Variants in CDH13 observed in about 807,000 individuals in gnomAD.
CDH13 encodes cadherin-13.
Under a neutral mutation model 63.8 loss-of-function variants are expected in CDH13, and 24 were observed. That is an observed-to-expected ratio of 0.38 (90% CI 0.27 to 0.53). The LOEUF is 0.53. Ranked by LOEUF, CDH13 falls within the 20% of genes least tolerant of loss-of-function variation. The probability of loss-of-function intolerance (pLI) is 0.85; values close to 1 mark genes in which losing one functional copy is unlikely to be tolerated. For synonymous variants in CDH13, 503 were observed against 355.3 expected (o/e 1.42, Z -4.67); for missense variants, 1,049 against 903.1 (o/e 1.16, Z -2.07).
rs186623857 is a variant in CDH13 at position 82,822,763 on chromosome 16, G to C, written c.46-35599G>C. On this transcript the variant is annotated intron_variant, in intron 1 of 13. Coordinates refer to ENST00000567109, the MANE Select transcript of CDH13 (RefSeq NM_001257.5). ...TCCCACCTTGGCCTCCCAAAGTGCT[G>C]AGATTATAGGCATAAGCCACCATGC... Among the ~76,000 whole-genome samples, 403 of 152,318 alleles carry C rather than the reference G, an allele frequency of 2.6e-3. 4 individuals are homozygous for C. Among genetic ancestry groups the C allele is most frequent in the Non-Finnish European group, 2.4e-3 (163 of 68,028 alleles).
Position 83,018,802 on chromosome 16 carries a change from A to G in CDH13, c.158-13208A>G, listed in dbSNP as rs559522490. Among the ~76,000 whole-genome samples, 290 of 152,372 alleles carry G rather than the reference A, an allele frequency of 1.9e-3. 1 individual carries two copies. The highest frequency in any genetic ancestry group is 0.017 in the Middle Eastern group (5 of 294). On this transcript the variant is annotated intron_variant, in intron 2 of 13. Transcript: ENST00000567109. ...ATAGCACGGTGCTGTACTGAGTGCT[A>G]TAGGCAATTGTAACACAATGGCAAG... is the stretch of plus-strand genomic sequence containing the variant.
chr16:83,003,948 A>G (rs1913207126), intron 2 of CDH13, among the ~76,000 whole-genome samples: 1 of 152,214 alleles, frequency 6.6e-6, no homozygotes, highest in African/African-American at 2.4e-5. Flanking sequence ...TGCTCCATGT[A>G]AATACTGTAC....
intron 3 of CDH13, among the ~76,000 whole-genome samples, chr16:83,103,556 T>A (rs2034618550): frequency 6.6e-6 from 1 of 152,128 alleles, no homozygotes; most frequent in Non-Finnish European, 1.5e-5. Context: ...AATTAAACTT[T>A]TAATGTGGAA....
At chr16:82,645,429 G>T (rs921553362) in intron 1 of CDH13, among the ~76,000 whole-genome samples, 4 of 152,074 alleles carry the variant, frequency 2.6e-5, no homozygotes, top group Non-Finnish European at 2.9e-5. Context: ...GGTGAGGGGG[G>T]TTGTGACCCT....
At chr16:83,004,170 A>C (rs556445739) in intron 2 of CDH13, among the ~76,000 whole-genome samples, 1 of 152,308 alleles carries the variant, frequency 6.6e-6, no homozygotes, top group East Asian at 1.9e-4. Flanking sequence ...GGCCAGCTGA[A>C]TCCCATTCCT....
intron 9 of CDH13, among the ~76,000 whole-genome samples, chr16:83,671,412 C>T (rs1914489384): frequency 6.6e-6 from 1 of 152,126 alleles, no homozygotes; most frequent in Admixed American, 6.5e-5. Flanking sequence ...CCATGTCCGG[C>T]CAGTTTTTGT....
At chr16:83,652,346 C>T (rs576020006) in intron 8 of CDH13, among the ~76,000 whole-genome samples, 3 of 152,256 alleles carry the variant, frequency 2.0e-5, no homozygotes, top group South Asian at 2.1e-4. Context: ...GTTAGCATCA[C>T]GAGCCTAACC....
At chr16:82,828,298 C>G (rs1438249704) in intron 1 of CDH13, among the ~76,000 whole-genome samples, 1 of 152,176 alleles carries the variant, frequency 6.6e-6, no homozygotes, top group East Asian at 1.9e-4. Flanking sequence ...GGCTCCACAT[C>G]TGCGGATTCA....
chr16:82,722,287 T>C (rs2032821433), intron 1 of CDH13, among the ~76,000 whole-genome samples: 1 of 152,146 alleles, frequency 6.6e-6, no homozygotes, highest in South Asian at 2.1e-4. Flanking sequence ...TCTTGTTAAA[T>C]GGTTTCTCTC....
At position 82,680,490 on chromosome 16, in the gene CDH13, G is replaced by A. The variant is rs555459115; in HGVS notation, c.45+53353G>A. Among the ~76,000 whole-genome samples the A allele has an allele frequency of 2.0e-4, 30 of 151,974 alleles. 1 individual carries two copies. The South Asian group carries it at 6.0e-3, about 31-fold the overall frequency. On this transcript the variant is annotated intron_variant, in intron 1 of 13. Transcript: ENST00000567109. ...GTTGAGATCTGGTCTGGGAAGTGGG[G>A]CTAACACAGAAGTGTGGATAGGACA...
chr16:83,742,536 C>A (rs1377616400), intron 10 of CDH13, among the ~76,000 whole-genome samples: 3 of 152,148 alleles, frequency 2.0e-5, no homozygotes, highest in Admixed American at 6.5e-5. Context: ...TTGAAAACAT[C>A]TTGCACGCTA....
chr16:83,153,021 A>G (rs989896389), intron 4 of CDH13, among the ~76,000 whole-genome samples: 1 of 152,176 alleles, frequency 6.6e-6, no homozygotes, highest in Non-Finnish European at 1.5e-5. Flanking sequence ...TAGTGGGTTC[A>G]CCTTACCTGC....
chr16:83,535,184 A>G (rs551268974), intron 7 of CDH13, among the ~76,000 whole-genome samples: 2 of 152,374 alleles, frequency 1.3e-5, no homozygotes, highest in East Asian at 1.9e-4. Context: ...CAGAGGGCAC[A>G]GCATGTGCAG....
intron 2 of CDH13, among the ~76,000 whole-genome samples, chr16:83,013,801 C>A (rs780041333): frequency 6.6e-6 from 1 of 152,092 alleles, no homozygotes; most frequent in Non-Finnish European, 1.5e-5. Flanking sequence ...TGGGATGGCC[C>A]GGTCTCTGCA....
intron 5 of CDH13, among the ~76,000 whole-genome samples, chr16:83,325,223 A>G (rs1443792625): frequency 6.6e-6 from 1 of 152,196 alleles, no homozygotes; most frequent in Non-Finnish European, 1.5e-5. Context: ...ATTATTACAA[A>G]CCAAAAGTCT....
chr16:83,106,197 G>A (rs370795433), intron 3 of CDH13, among the ~76,000 whole-genome samples: 8 of 152,148 alleles, frequency 5.3e-5, no homozygotes, highest in African/African-American at 1.2e-4. Context: ...TACCTACAAC[G>A]TCACTTTATT....
intron 3 of CDH13, among the ~76,000 whole-genome samples, chr16:83,097,521 G>C (rs2034265655): frequency 6.6e-6 from 1 of 152,192 alleles, no homozygotes; most frequent in South Asian, 2.1e-4. Flanking sequence ...AAGGCTGTAA[G>C]GATGATCTCA....
intron 2 of CDH13, among the ~76,000 whole-genome samples, chr16:82,873,843 G>A (rs555014898): frequency 6.6e-6 from 1 of 152,258 alleles, no homozygotes; most frequent in East Asian, 1.9e-4. Context: ...CTGAAAGAGA[G>A]CATATTTTCT....
At chr16:82,891,901 G>A (rs559058976) in intron 2 of CDH13, among the ~76,000 whole-genome samples, 4 of 152,284 alleles carry the variant, frequency 2.6e-5, no homozygotes, top group Admixed American at 2.6e-4. Context: ...CTGGTCACGT[G>A]TCCCTTAAAT....
Sources: allele counts gnomAD v4.1 joint callset (sites outside exome capture counted in the v4.1 genomes callset), GRCh38; gene constraint gnomAD v4.1.1; transcripts MANE v1.5; gene names NCBI Gene and HGNC (gene_info 2026-07-23, HGNC 2026-07-21).